CATSPERB: variants seen among roughly 807,000 people sequenced by gnomAD.
CATSPERB encodes the protein catsper channel auxiliary subunit beta.
In CATSPERB, 93 loss-of-function variants were observed where a neutral mutation model predicts 128.3. That is an observed-to-expected ratio of 0.72 (90% CI 0.61 to 0.86). The LOEUF (loss-of-function observed/expected upper bound fraction) is 0.86, where lower values mean the gene tolerates loss of function less well. CATSPERB is among the 40% of genes least tolerant of loss of function. The pLI is 0.00. For synonymous variants in CATSPERB, 381 were observed against 448.8 expected (o/e 0.85, Z 1.91); for missense variants, 1,153 against 1,329.5 (o/e 0.87, Z 2.06).
rs28563952 is a variant in CATSPERB, at chr14:91,652,104, A to C, written c.1432+7733T>G. ...AGATTGGTCAATTGAGCTTTCAAAAATTAATAATTTTTGTTCAAAAGATAC... is the reference window on the plus strand; with the variant it reads ...AGATTGGTCAATTGAGCTTTCAAAACTTAATAATTTTTGTTCAAAAGATAC... On this transcript the variant is annotated intron_variant, in intron 15 of 26. Transcript: ENST00000256343. Among the ~76,000 whole-genome samples the C allele has an allele frequency of 4.0e-3, 616 of 152,334 alleles. 11 individuals are homozygous for C. The highest frequency in any genetic ancestry group is 0.014 in the African/African-American group (577 of 41,578).
At chr14:91,594,678 C>G (rs1488540554) in intron 22 of CATSPERB, among the ~76,000 whole-genome samples, 3 of 151,818 alleles carry the variant, frequency 2.0e-5, no homozygotes, top group African/African-American at 7.3e-5. Context: ...GTCCCAAAAG[C>G]TCATTTTTAG....
At chr14:91,632,246 T>G (rs1280682978) in intron 17 of CATSPERB, among the ~76,000 whole-genome samples, 1 of 152,116 alleles carries the variant, frequency 6.6e-6, no homozygotes, top group African/African-American at 2.4e-5. Flanking sequence ...AGGATTGAAA[T>G]AGTATACCAC....
At chr14:91,634,199 A>G (rs1051218333) in intron 17 of CATSPERB, among the ~76,000 whole-genome samples, 1 of 151,386 alleles carries the variant, frequency 6.6e-6, no homozygotes, top group Non-Finnish European at 1.5e-5. Context: ...AAGCTACGGG[A>G]AAAAATGTTA....
intron 19 of CATSPERB, 63 bp from the exon 20 acceptor site, chr14:91,617,799 G>A (rs1438542013): frequency 1.7e-5 from 20 of 1,163,260 alleles, no homozygotes; most frequent in Non-Finnish European, 2.2e-5. Context: ...ATTGAATAAT[G>A]ATTGGCTAAT....
chr14:91,603,993 T>G, intron 22 of CATSPERB, among the ~76,000 whole-genome samples: 1 of 139,640 alleles, frequency 7.2e-6, no homozygotes, highest in South Asian at 2.5e-4. Context: ...TCTCTCTCCC[T>G]CCCTCCCTCC....
chr14:91,649,350 TG>T (rs1894664297), intron 15 of CATSPERB, among the ~76,000 whole-genome samples: 1 of 151,716 alleles, frequency 6.6e-6, no homozygotes, highest in Non-Finnish European at 1.5e-5. Context: ...TGTGTGTGTG[TG>T]TGTGTGTGTG....
At chr14:91,634,685 A>G (rs1894338417) in intron 17 of CATSPERB, among the ~76,000 whole-genome samples, 1 of 149,214 alleles carries the variant, frequency 6.7e-6, no homozygotes, top group African/African-American at 2.5e-5. Context: ...CACACACACC[A>G]TGGAATACTA....
chr14:91,659,766 G>GC, intron 15 of CATSPERB, 71 bp downstream of exon 15: 1 of 1,418,216 alleles, frequency 7.1e-7, no homozygotes, highest in Non-Finnish European at 9.6e-7. Context: ...GATTAATACG[G>GC]CAGGTTTTTC....
At chr14:91,614,618 T>C (rs1893900667) in intron 20 of CATSPERB, among the ~76,000 whole-genome samples, 1 of 150,914 alleles carries the variant, frequency 6.6e-6, no homozygotes, top group East Asian at 2.0e-4. Flanking sequence ...CTGGGCAACA[T>C]GGTAAAACTC....
chr14:91,581,184 A>G, intron 26 of CATSPERB, 77 bp from the exon 27 acceptor site: 1 of 1,191,720 alleles, frequency 8.4e-7, no homozygotes, highest in Non-Finnish European at 1.2e-6. Context: ...TGTTCCCCAC[A>G]ATTAATCGGA....
chr14:91,594,037 C>T (rs536312682), intron 22 of CATSPERB, among the ~76,000 whole-genome samples: 1 of 152,166 alleles, frequency 6.6e-6, no homozygotes, highest in Non-Finnish European at 1.5e-5. Flanking sequence ...TAAGAAGTGC[C>T]TTTTGCATTA....
At chr14:91,591,362 C>T (rs1027496042) in intron 23 of CATSPERB, among the ~76,000 whole-genome samples, 1 of 152,016 alleles carries the variant, frequency 6.6e-6, no homozygotes. Flanking sequence ...GCCCCAACTG[C>T]GTATTTGACT....
chr14:91,592,223 C>T (rs984168959), intron 22 of CATSPERB: 14 of 529,454 alleles, frequency 2.6e-5, no homozygotes, highest in East Asian at 1.0e-4. Flanking sequence ...ATTACTCAGC[C>T]GCTTGCCGTT....
rs1189925026 is a variant in CATSPERB, at chr14:91,621,680, G to C, written c.2188C>G (p.Leu730Val). Reference sequence around the variant, plus strand: ...AGATCAATGTATTTCACGATGTTGAGGGATGGTGAATCATCATGTTGAAAC... The same window carrying C: ...AGATCAATGTATTTCACGATGTTGACGGATGGTGAATCATCATGTTGAAAC... ...YWFQHDDSPSLNIVKYIDLGN... is the reference protein window; with the variant it reads ...YWFQHDDSPSVNIVKYIDLGN... Residue 730 changes from leucine (L) to valine (V), a missense_variant, in exon 19 of 27, where the codon CTC becomes GTC. Physicochemically the swap from Leu to Val is conservative, Grantham distance 32 (BLOSUM62 1). Transcript: ENST00000256343. The C allele has an allele frequency of 1.2e-6, 2 of 1,613,302 alleles. No individual in the cohort carries two copies. The highest frequency in any genetic ancestry group is 1.3e-5 in the African/African-American group (1 of 74,914).
At chr14:91,600,202 A>C (rs1893586700) in intron 22 of CATSPERB, among the ~76,000 whole-genome samples, 1 of 152,200 alleles carries the variant, frequency 6.6e-6, no homozygotes, top group Non-Finnish European at 1.5e-5. Flanking sequence ...GATATCCATA[A>C]CAGCTGCACC....
At chr14:91,707,899 G>A (rs1566737016) in intron 6 of CATSPERB, among the ~76,000 whole-genome samples, 1 of 151,522 alleles carries the variant, frequency 6.6e-6, no homozygotes, top group Non-Finnish European at 1.5e-5. Context: ...GAGCCACCAT[G>A]CCCAGCCTGT....
At chr14:91,657,766 G>A (rs1306714818) in intron 15 of CATSPERB, among the ~76,000 whole-genome samples, 1 of 152,124 alleles carries the variant, frequency 6.6e-6, no homozygotes, top group Non-Finnish European at 1.5e-5. Flanking sequence ...CGTATGAAAA[G>A]GTGCTCAACA....
At chr14:91,632,350 C>T (rs1417285615) in intron 17 of CATSPERB, among the ~76,000 whole-genome samples, 1 of 151,926 alleles carries the variant, frequency 6.6e-6, no homozygotes, top group African/African-American at 2.4e-5. Flanking sequence ...CAAAAAACCC[C>T]TGATTTAAAA....
At chr14:91,639,506 G>C (rs1490249009) in intron 15 of CATSPERB, among the ~76,000 whole-genome samples, 4 of 152,158 alleles carry the variant, frequency 2.6e-5, no homozygotes, top group Non-Finnish European at 5.9e-5. Flanking sequence ...AAGAGATCTA[G>C]AGGAAAAGCG....
Sources: gnomAD v4.1 joint callset for allele counts (sites outside exome capture counted in the v4.1 genomes callset) on GRCh38, gnomAD v4.1.1 for gene constraint, MANE v1.5 for transcripts, NCBI Gene and HGNC (gene_info 2026-07-23, HGNC 2026-07-21) for gene names.